The following TCERG1L variants were observed in gnomAD, a reference collection of about 807,000 sequenced individuals.
TCERG1L encodes the protein transcription elongation regulator 1-like protein.
A neutral mutation model predicts 56.3 loss-of-function variants in TCERG1L; 37 were observed. That is an observed-to-expected ratio of 0.66 (90% CI 0.51 to 0.87). The LOEUF is 0.87. TCERG1L is among the 40% of genes least tolerant of loss of function. TCERG1L has a pLI of 0.00. For missense variants in TCERG1L, 799 were observed against 774.2 expected (o/e 1.03, Z -0.38); for synonymous variants, 324 against 326.3 (o/e 0.99, Z 0.08).
chr10:131,173,915 C>T (rs1008610443), intron 4 of TCERG1L, among the ~76,000 whole-genome samples: 4 of 152,204 alleles, frequency 2.6e-5, no homozygotes, highest in African/African-American at 7.2e-5. Flanking sequence ...ACAGTCTCCC[C>T]CTGTCCAGAG....
chr10:131,311,475 G>A lies in TCERG1L; in HGVS notation c.161C>T (p.Ala54Val), dbSNP rs1011593631. The change falls in exon 1 of 12, where the codon GCG becomes GTG. Residue 54 changes from alanine to valine, a missense_variant. Coordinates refer to ENST00000368642, the MANE Select transcript of TCERG1L (RefSeq NM_174937.4). The surrounding 1 kb of genome is among the most constrained non-coding windows in gnomAD (Gnocchi z 4.0). ...CAGCACCGGGGGAACCACGACCCCC[G>A]CGCTGAGCCGGAGCAGCCCGGCCGA... ...PGSAGLLRLS[A>V]GVVVPPVLLA... The A allele has an allele frequency of 1.7e-6, 2 of 1,188,726 alleles. No individual in the cohort carries two copies. The highest frequency in any genetic ancestry group is 3.7e-5 in the South Asian group (1 of 26,678). 73.6% of individuals were successfully genotyped at this position (1,188,726 alleles called of 1,614,324 possible).
Position 131,163,204 on chromosome 10 carries a change from G to A in TCERG1L, c.952C>T (p.Pro318Ser), listed in dbSNP as rs1225838472. Residue 318 changes from proline (P) to serine (S), a missense_variant, in exon 6 of 12, where the codon CCA (proline) becomes TCA (serine). Transcript: ENST00000368642. ...RDGDKEDKEP[P>S]PMLGGGEDST... is the part of the protein sequence containing the mutation. ...TCCTCTCCTCCCCCCAGCATCGGTG[G>A]AGGCTCCTTTCAACAGAAAGAGACA... 1.9e-6 allele frequency: 3 copies of A among 1,544,570 alleles called. No homozygotes were observed. The highest frequency in any genetic ancestry group is 2.6e-6 in the Non-Finnish European group (3 of 1,146,412).
intron 4 of TCERG1L, among the ~76,000 whole-genome samples, chr10:131,200,108 G>A (rs1312193650): frequency 6.6e-6 from 1 of 152,172 alleles, no homozygotes; most frequent in Non-Finnish European, 1.5e-5. Context: ...TCATGGCAAT[G>A]CAGGCTTTTC....
chr10:131,293,213 T>C (rs1218418028), intron 3 of TCERG1L, among the ~76,000 whole-genome samples: 1 of 152,168 alleles, frequency 6.6e-6, no homozygotes, highest in African/African-American at 2.4e-5. Flanking sequence ...TTCCCCATGT[T>C]TTCCTTTTTC....
At chr10:131,297,549 C>A (rs1205983950) in intron 3 of TCERG1L, among the ~76,000 whole-genome samples, 1 of 152,012 alleles carries the variant, frequency 6.6e-6, no homozygotes, top group East Asian at 1.9e-4. Flanking sequence ...TCTGTAATAA[C>A]CATTTGGTTT....
At chr10:131,111,329 C>G (rs970399285) in intron 9 of TCERG1L, among the ~76,000 whole-genome samples, 1 of 142,726 alleles carries the variant, frequency 7.0e-6, no homozygotes, top group African/African-American at 2.5e-5. Context: ...GCTGCAGTCT[C>G]TGCCCCTCAA....
chr10:131,195,834 T>C (rs938070285), intron 4 of TCERG1L, among the ~76,000 whole-genome samples: 2 of 152,222 alleles, frequency 1.3e-5, no homozygotes, highest in Non-Finnish European at 2.9e-5. Context: ...GAGACCACGC[T>C]CGGCCTGCGG....
At chr10:131,248,224 A>G (rs568570213) in intron 4 of TCERG1L, among the ~76,000 whole-genome samples, 1 of 145,096 alleles carries the variant, frequency 6.9e-6, no homozygotes, top group Non-Finnish European at 1.5e-5. Context: ...TCTCACACAC[A>G]ACTCACACAC....
rs1372847986 is a variant in TCERG1L at position 131,311,598 on chromosome 10, T to TGCC, written c.35_37dup (p.Arg12dup). On this transcript the variant is annotated inframe_insertion, in exon 1 of 12. Coordinates refer to ENST00000368642, the MANE Select transcript of TCERG1L (RefSeq NM_174937.4). The surrounding 1 kb of genome is among the most constrained non-coding windows in gnomAD (Gnocchi z 4.0). ...CCGCCGGGGCTGCTGCTGCTGCAGC[T>TGCC]GCCGCCGCCGCCGCTGGAACCTGGC... 28 of 1,133,780 alleles carry TGCC rather than the reference T, an allele frequency of 2.5e-5. No homozygotes were observed. In the South Asian group the frequency reaches 2.5e-4, roughly 10 times the overall value. 70.2% of individuals were successfully genotyped at this position (1,133,780 alleles called of 1,614,324 possible).
chr10:131,179,453 G>A (rs568140560), intron 4 of TCERG1L, among the ~76,000 whole-genome samples: 6 of 152,324 alleles, frequency 3.9e-5, no homozygotes, highest in Admixed American at 3.9e-4. Context: ...CGTGAGGCTG[G>A]TCTGCAGAAC....
At chr10:131,224,535 T>C (rs1845771708) in intron 4 of TCERG1L, among the ~76,000 whole-genome samples, 1 of 152,224 alleles carries the variant, frequency 6.6e-6, no homozygotes, top group Admixed American at 6.5e-5. Context: ...GTGTCTGTTG[T>C]CTGATTGACA....
In TCERG1L at chr10:131,166,809, G is replaced by A. The variant is rs766170431; in HGVS notation, c.933C>T (p.Asp311=). The part of the protein sequence containing the change: ...MLRAQKSRDG[D]KEDKEPPPML... Reference sequence around the variant, plus strand: ...CCCCGAAACTGACCTTGTCTTCTTTGTCTCCATCCCGGCTCTTCTGGGCCC... The same window carrying A: ...CCCCGAAACTGACCTTGTCTTCTTTATCTCCATCCCGGCTCTTCTGGGCCC... Residue 311 remains aspartate, a synonymous_variant, in exon 5 of 12, where the codon GAC becomes GAT. Transcript: ENST00000368642. 5.0e-6 allele frequency: 8 copies of A among 1,613,794 alleles called. No homozygotes were observed. The highest frequency in any genetic ancestry group is 5.9e-6 in the Non-Finnish European group (7 of 1,179,888).
chr10:131,186,130 C>A (rs190579606), intron 4 of TCERG1L, among the ~76,000 whole-genome samples: 1 of 152,264 alleles, frequency 6.6e-6, no homozygotes, highest in Admixed American at 6.5e-5. Flanking sequence ...TTGTGTGGTT[C>A]ATTTACCTGA....
At chr10:131,284,089 G>A (rs1380511841) in intron 3 of TCERG1L, among the ~76,000 whole-genome samples, 2 of 142,622 alleles carry the variant, frequency 1.4e-5, no homozygotes, top group East Asian at 2.0e-4. Context: ...TCGAACTACT[G>A]CACTCCAGCC....
At chr10:131,255,390 T>C (rs1278508590) in intron 4 of TCERG1L, among the ~76,000 whole-genome samples, 2 of 152,226 alleles carry the variant, frequency 1.3e-5, no homozygotes, top group African/African-American at 4.8e-5. Context: ...ATGCAACATA[T>C]TGTCTAGAGA....
intron 4 of TCERG1L, among the ~76,000 whole-genome samples, chr10:131,167,697 G>A (rs984111534): frequency 9.9e-5 from 15 of 152,228 alleles, no homozygotes; most frequent in South Asian, 4.1e-4. Context: ...GCCAGTGACC[G>A]TGGCTTACTG....
chr10:131,270,823 G>T (rs1846332211), intron 3 of TCERG1L, among the ~76,000 whole-genome samples: 1 of 152,204 alleles, frequency 6.6e-6, no homozygotes, highest in Non-Finnish European at 1.5e-5. Flanking sequence ...CTGCACAAAG[G>T]CCCGCGGTGA....
intron 4 of TCERG1L, among the ~76,000 whole-genome samples, chr10:131,255,395 T>C (rs1409519540): frequency 1.3e-5 from 2 of 152,260 alleles, no homozygotes; most frequent in Non-Finnish European, 2.9e-5. Context: ...ACATATTGTC[T>C]AGAGATAATG....
Position 131,123,821 on chromosome 10 carries a change from A to G in TCERG1L, c.1260-6887T>C, listed in dbSNP as rs563940297. Among the ~76,000 whole-genome samples the G allele has an allele frequency of 1.1e-4, 17 of 152,086 alleles. 1 individual carries two copies. In the South Asian group the frequency reaches 3.1e-3, roughly 28 times the overall value. On this transcript the variant is annotated intron_variant, in intron 8 of 11. Transcript: ENST00000368642. ...GGAGTGCACGGTTATTCCCATTAGG[A>G]CCCCACGGAGCCGAGACCCTGCCCC...
Sources: allele counts gnomAD v4.1 joint callset (sites outside exome capture counted in the v4.1 genomes callset), GRCh38; gene constraint gnomAD v4.1.1; non-coding constraint Gnocchi (gnomAD v3.1); transcripts MANE v1.5; gene names NCBI Gene and HGNC (gene_info 2026-07-23, HGNC 2026-07-21).